SHTN1: variants seen among roughly 807,000 people sequenced by gnomAD.
SHTN1 encodes shootin 1.
Under a neutral mutation model 83.1 loss-of-function variants are expected in SHTN1, and 42 were observed. The observed-to-expected ratio is 0.51, with a 90% CI of 0.39 to 0.65. The LOEUF (loss-of-function observed/expected upper bound fraction) is 0.65, where lower values mean the gene tolerates loss of function less well. Ranked by LOEUF, SHTN1 falls within the 30% of genes least tolerant of loss-of-function variation. The pLI, the probability that SHTN1 is intolerant of heterozygous loss-of-function variation, is 0.00. For missense variants in SHTN1, 622 were observed against 737.8 expected, an observed-to-expected ratio of 0.84 and a Z score of 1.82; for synonymous variants, 224 against 247.7, an observed-to-expected ratio of 0.90 and a Z score of 0.90.
intron 1 of SHTN1, among the ~76,000 whole-genome samples, chr10:117,102,015 A>AG (rs1465277828): frequency 6.6e-6 from 1 of 151,804 alleles, no homozygotes; most frequent in African/African-American, 2.4e-5. Context: ...AGAAAAAAAA[A>AG]AAGAAGAAGA....
chr10:116,933,603 T>C (rs1328913751), intron 9 of SHTN1, among the ~76,000 whole-genome samples: 1 of 152,218 alleles, frequency 6.6e-6, no homozygotes, highest in African/African-American at 2.4e-5. Context: ...GTCTTTTCTA[T>C]TATGAATAGT....
chr10:116,957,931 A>G (rs1850042102), intron 4 of SHTN1, among the ~76,000 whole-genome samples: 1 of 152,244 alleles, frequency 6.6e-6, no homozygotes, highest in African/African-American at 2.4e-5. Flanking sequence ...GTGGTGGCAC[A>G]TGCCTGTAAT....
At chr10:117,010,822 C>A (rs889441057) in intron 2 of SHTN1, among the ~76,000 whole-genome samples, 3 of 152,036 alleles carry the variant, frequency 2.0e-5, no homozygotes, top group Non-Finnish European at 2.9e-5. Context: ...AGGAAAAAAA[C>A]CAGGTGATCA....
At chr10:116,945,073 G>A in intron 7 of SHTN1, 55 bp from the exon 8 acceptor site, 1 of 1,042,294 alleles carries the variant, frequency 9.6e-7, no homozygotes, top group Non-Finnish European at 1.5e-6. Context: ...CAAATAATCA[G>A]GAATATGGAT....
chr10:116,972,630 C>T (rs1371023471), intron 2 of SHTN1, among the ~76,000 whole-genome samples: 2 of 152,200 alleles, frequency 1.3e-5, no homozygotes, highest in Non-Finnish European at 2.9e-5. Context: ...CTTCCTCTAC[C>T]CTGCTCACGC....
intron 1 of SHTN1, among the ~76,000 whole-genome samples, chr10:117,056,679 T>C (rs555295843): frequency 1.1e-4 from 17 of 152,024 alleles, no homozygotes; most frequent in Admixed American, 5.9e-4. Context: ...GGCATGGTGG[T>C]ACGTGCCTGT....
Position 116,881,505 on chromosome 10 carries a change from C to T in SHTN1, c.*4839G>A, listed in dbSNP as rs753577106. On this transcript the variant is annotated 3_prime_UTR_variant, in exon 17 of 17. Coordinates refer to ENST00000355371, the MANE Select transcript of SHTN1 (RefSeq NM_001127211.3). ...GATTAGACAGTAAACTTTATTGTTA[C>T]TTTAAATAGGTTTCAAAGAAGAACA... is the stretch of plus-strand genomic sequence containing the variant. 1.3e-6 allele frequency: 2 copies of T among 1,530,976 alleles called. No individual in the cohort carries two copies. The highest frequency in any genetic ancestry group is 1.8e-6 in the Non-Finnish European group (2 of 1,139,250). 94.8% of individuals were successfully genotyped at this position (1,530,976 alleles called of 1,614,324 possible).
At chr10:117,034,197 G>C (rs1337445745) in intron 2 of SHTN1, among the ~76,000 whole-genome samples, 4 of 152,130 alleles carry the variant, frequency 2.6e-5, no homozygotes, top group Admixed American at 6.5e-5. Context: ...AATTAGATTA[G>C]AGAAAGAAAC....
intron 2 of SHTN1, among the ~76,000 whole-genome samples, chr10:117,018,215 T>C (rs1045855046): frequency 3.0e-4 from 46 of 152,268 alleles, no homozygotes; most frequent in Non-Finnish European, 5.9e-4. Context: ...AAATGTACTG[T>C]GGTTATGTAC....
chr10:116,894,193 G>T (rs1421938337), intron 16 of SHTN1, among the ~76,000 whole-genome samples: 1 of 152,044 alleles, frequency 6.6e-6, no homozygotes, highest in African/African-American at 2.4e-5. Context: ...CAAACAAGAT[G>T]AACTCTTACA....
intron 1 of SHTN1, among the ~76,000 whole-genome samples, chr10:117,125,031 AC>A (rs758358306): frequency 1.3e-5 from 2 of 152,174 alleles, no homozygotes; most frequent in Non-Finnish European, 2.9e-5. Flanking sequence ...GCTGAGCCAA[AC>A]ATGGACCCAG....
At chr10:116,914,554 T>C (rs2133353195) in intron 13 of SHTN1, among the ~76,000 whole-genome samples, 2 of 150,508 alleles carry the variant, frequency 1.3e-5, no homozygotes, top group Middle Eastern at 3.5e-3. Flanking sequence ...ACGGTTGAGG[T>C]AGGGCAGCCT....
At chr10:116,927,715 T>C in intron 11 of SHTN1, 77 bp downstream of exon 11, 1 of 1,419,366 alleles carries the variant, frequency 7.0e-7, no homozygotes, top group Admixed American at 2.7e-5. Flanking sequence ...TTTCATGCTT[T>C]TAAGATGACT....
At chr10:116,910,950 AATCT>A (rs1255413959) in intron 14 of SHTN1, among the ~76,000 whole-genome samples, 1 of 152,206 alleles carries the variant, frequency 6.6e-6, no homozygotes, top group Non-Finnish European at 1.5e-5. Flanking sequence ...TGATGAAAAT[AATCT>A]TGTTTACCAC....
At chr10:117,069,064 A>G (rs1172945318) in intron 1 of SHTN1, among the ~76,000 whole-genome samples, 1 of 152,148 alleles carries the variant, frequency 6.6e-6, no homozygotes, top group Non-Finnish European at 1.5e-5. Context: ...TTTAAGGAAA[A>G]AGCAGAGGAA....
chr10:116,912,836 G>A (rs1848251858), intron 13 of SHTN1, among the ~76,000 whole-genome samples: 1 of 151,888 alleles, frequency 6.6e-6, no homozygotes, highest in Admixed American at 6.6e-5. Flanking sequence ...AAAAAAATGA[G>A]AGTTAATTAA....
chr10:116,926,321 T>C (rs781547712), intron 11 of SHTN1, among the ~76,000 whole-genome samples: 11 of 152,210 alleles, frequency 7.2e-5, no homozygotes, highest in Non-Finnish European at 1.6e-4. Flanking sequence ...TGACCTTTCT[T>C]ATCAGCTCAA....
At chr10:116,896,843 T>C (rs1847539131) in intron 16 of SHTN1, among the ~76,000 whole-genome samples, 2 of 149,620 alleles carry the variant, frequency 1.3e-5, no homozygotes, top group Non-Finnish European at 1.5e-5. Flanking sequence ...TCTCACTCTG[T>C]GGCCCAGGCT....
chr10:117,070,391 G>T (rs1021530562), intron 1 of SHTN1, among the ~76,000 whole-genome samples: 4 of 151,790 alleles, frequency 2.6e-5, no homozygotes, highest in African/African-American at 9.7e-5. Context: ...GACTCTTGGG[G>T]GCTCCTTTCC....
Sources: allele counts gnomAD v4.1 joint callset (sites outside exome capture counted in the v4.1 genomes callset), GRCh38; gene constraint gnomAD v4.1.1; transcripts MANE v1.5; gene names NCBI Gene and HGNC (gene_info 2026-07-23, HGNC 2026-07-21).